Variants in MSMO1 observed in about 807,000 individuals in gnomAD.
The protein encoded by MSMO1 is C-4 methylsterol oxidase.
In MSMO1, 18 loss-of-function variants were observed where a neutral mutation model predicts 30.4. The observed-to-expected ratio is 0.59, with a 90% CI of 0.41 to 0.88. The LOEUF is 0.88. Among genes scored for constraint, MSMO1 ranks in the 40% least tolerant of loss-of-function variants. The pLI is 0.00. For missense variants in MSMO1, 284 were observed against 340.5 expected (o/e 0.83, Z 1.31); for synonymous variants, 84 against 107.9 (o/e 0.78, Z 1.37).
chr4:165,340,655 A>C, intron 5 of MSMO1: 1 of 388,482 alleles, frequency 2.6e-6, no homozygotes, highest in Non-Finnish European at 4.7e-6. Context: ...AACTTAACTC[A>C]TATTTGAAAA....
Position 165,333,424 on chromosome 4 carries a change from A to G in MSMO1, c.54A>G (p.Glu18=), listed in dbSNP as rs774792414. 6.2e-7 allele frequency: 1 copy of G among 1,612,078 alleles called. No homozygotes were observed. Among genetic ancestry groups the G allele is most frequent in the African/African-American group, 1.3e-5 (1 of 74,858 alleles). ...TTAGTTCAGCATCCTTGGCTGTGGA[A>G]TATGTAGATTCACTTTTACCTGAGA... is the stretch of plus-strand genomic sequence containing the variant. ...SIFSSASLAV[E]YVDSLLPENP... Residue 18 remains glutamate, a synonymous_variant, in exon 2 of 6, where the codon GAA becomes GAG. Coordinates refer to ENST00000261507, the MANE Select transcript of MSMO1 (RefSeq NM_006745.5).
rs1470192234 is a variant in MSMO1, at chr4:165,333,764, C to T, written c.255+139C>T. On this transcript the variant is annotated intron_variant, in intron 2 of 5. Coordinates refer to ENST00000261507, the MANE Select transcript of MSMO1 (RefSeq NM_006745.5). ...AGCCACGTATGTAATTTTAAATTTT[C>T]TAGTAGAATACATAGAAAAGGTAAA... The T allele has an allele frequency of 3.1e-6, 3 of 952,960 alleles. No individual in the cohort carries two copies. In the African/African-American group the frequency reaches 5.0e-5, roughly 16 times the overall value. The allele number at this position is 952,960 out of a possible 1,614,324, so 59.0% of individuals were successfully genotyped here.
intron 3 of MSMO1, 73 bp downstream of exon 3, chr4:165,338,010 G>A (rs1368713248): frequency 1.5e-5 from 20 of 1,368,196 alleles, no homozygotes; most frequent in Non-Finnish European, 1.9e-5. Flanking sequence ...ATGTTTACCC[G>A]TTTTCTTAAT....
chr4:165,334,562 G>T (rs565873628), intron 2 of MSMO1, among the ~76,000 whole-genome samples: 1 of 152,264 alleles, frequency 6.6e-6, no homozygotes, highest in East Asian at 1.9e-4. Context: ...TCCCAAATAA[G>T]GAGGTGATGC....
intron 3 of MSMO1, among the ~76,000 whole-genome samples, 182 bp from the exon 4 acceptor site, chr4:165,338,470 T>C (rs1747623602): frequency 6.6e-6 from 1 of 152,126 alleles, no homozygotes; most frequent in African/African-American, 2.4e-5. Flanking sequence ...TTTAACCTTA[T>C]ATCAAGTTAT....
At chr4:165,339,607 T>G (rs918015842) in intron 4 of MSMO1, among the ~76,000 whole-genome samples, 5 of 152,182 alleles carry the variant, frequency 3.3e-5, no homozygotes, top group African/African-American at 4.8e-5. Flanking sequence ...ATCCCTAGAC[T>G]TTTGATGTGG....
At chr4:165,329,980 A>G (rs938907552) in intron 1 of MSMO1, among the ~76,000 whole-genome samples, 2 of 152,186 alleles carry the variant, frequency 1.3e-5, no homozygotes, top group Non-Finnish European at 2.9e-5. Context: ...TGATGACAAT[A>G]GAATGCAGAT....
At chr4:165,339,218 C>T (rs1747648573) in intron 4 of MSMO1, among the ~76,000 whole-genome samples, 1 of 147,044 alleles carries the variant, frequency 6.8e-6, no homozygotes, top group Non-Finnish European at 1.5e-5. Flanking sequence ...AATTCTCCTG[C>T]CTCAGCCTTT....
At position 165,333,381 on chromosome 4, in the gene MSMO1, A is replaced by G; in HGVS notation, c.11A>G (p.Asn4Ser). MAT[N>S]ESVSIFSSAS... ...GCAGAGATTTGAAAAATGGCAACAA[A>G]TGAAAGTGTCAGCATCTTTAGTTCA... Residue 4 changes from asparagine (N) to serine (S), a missense_variant, in exon 2 of 6, where the codon AAT (asparagine) becomes AGT (serine). By Grantham distance (46) the Asn-to-Ser change is conservative. Coordinates refer to ENST00000261507, the MANE Select transcript of MSMO1 (RefSeq NM_006745.5). 1.2e-6 allele frequency: 2 copies of G among 1,611,858 alleles called. No homozygotes were observed. The highest frequency in any genetic ancestry group is 2.7e-5 in the African/African-American group (2 of 74,990).
At chr4:165,332,717 GTGAAGATTCT>G (rs1375275570) in intron 1 of MSMO1, among the ~76,000 whole-genome samples, 1 of 152,164 alleles carries the variant, frequency 6.6e-6, no homozygotes, top group African/African-American at 2.4e-5. Context: ...ATTTAATGAA[GTGAAGATTCT>G]TCCTTGTTTA....
At chr4:165,331,684 A>G (rs369498717) in intron 1 of MSMO1, among the ~76,000 whole-genome samples, 7 of 152,298 alleles carry the variant, frequency 4.6e-5, no homozygotes, top group Admixed American at 2.6e-4. Flanking sequence ...TTAAAGCACT[A>G]TTTAGAATGC....
chr4:165,333,222 A>C, intron 1 of MSMO1, 118 bp from the exon 2 acceptor site: 1 of 811,838 alleles, frequency 1.2e-6, no homozygotes, highest in Non-Finnish European at 1.8e-6. Flanking sequence ...TTTTGGTAAA[A>C]AATTTATACT....
intron 1 of MSMO1, among the ~76,000 whole-genome samples, chr4:165,330,972 G>A (rs767821216): frequency 3.3e-5 from 5 of 152,192 alleles, no homozygotes; most frequent in Admixed American, 1.3e-4. Context: ...ACAGTGGCTT[G>A]GAAGAGGTAA....
intron 5 of MSMO1, among the ~76,000 whole-genome samples, chr4:165,341,532 TG>T (rs1747715155): frequency 6.6e-6 from 1 of 151,410 alleles, no homozygotes; most frequent in African/African-American, 2.4e-5. Context: ...ATAAAATAAA[TG>T]ATTTTCTTAG....
chr4:165,331,953 C>T (rs544384226), intron 1 of MSMO1, among the ~76,000 whole-genome samples: 1 of 148,422 alleles, frequency 6.7e-6, no homozygotes, highest in Non-Finnish European at 1.5e-5. Context: ...CCGTAACACT[C>T]TCCCCTACCC....
At chr4:165,340,033 ATGAAGGGTAATCAC>A (rs1747673624) in intron 4 of MSMO1, among the ~76,000 whole-genome samples, 174 bp from the exon 5 acceptor site, 1 of 152,228 alleles carries the variant, frequency 6.6e-6, no homozygotes, top group African/African-American at 2.4e-5. Context: ...CACCCTCATT[ATGAAGGGTAATCAC>A]CTTTACTCAG....
intron 2 of MSMO1, among the ~76,000 whole-genome samples, chr4:165,336,178 A>T (rs1487659772): frequency 1.4e-5 from 2 of 143,106 alleles, no homozygotes; most frequent in Admixed American, 6.7e-5. Context: ...CTTGCTAGTT[A>T]GGCGAAAATT....
rs1747733192 is a variant in MSMO1, at chr4:165,342,158, A to G, written c.*212A>G. On this transcript the variant is annotated 3_prime_UTR_variant, in exon 6 of 6. Transcript: ENST00000261507. ...GTAGAAATGAATAAATATATATTTA[A>G]GTACAGTTTTCATGAGGAAGTTTTA... is the stretch of plus-strand genomic sequence containing the variant. The G allele has an allele frequency of 2.2e-6, 1 of 452,444 alleles. No individual in the cohort carries two copies. The highest frequency in any genetic ancestry group is 3.8e-5 in the Admixed American group (1 of 26,104). The allele number at this position is 452,444 out of a possible 1,614,324, so 28.0% of individuals were successfully genotyped here.
chr4:165,331,294 A>G (rs573478932), intron 1 of MSMO1, among the ~76,000 whole-genome samples: 1 of 150,998 alleles, frequency 6.6e-6, no homozygotes, highest in African/African-American at 2.4e-5. Flanking sequence ...ACAGAGTGAG[A>G]CCCTGTCTCA....
Sources: gnomAD v4.1 joint callset for allele counts (sites outside exome capture counted in the v4.1 genomes callset) on GRCh38, gnomAD v4.1.1 for gene constraint, MANE v1.5 for transcripts, NCBI Gene and HGNC (gene_info 2026-07-23, HGNC 2026-07-21) for gene names.